Variants in RAB6A observed in about 807,000 individuals in gnomAD.
RAB6A encodes the protein ras-related protein Rab-6A.
RAB6A carries 8 observed loss-of-function variants against 32.3 expected under a neutral mutation model. The observed-to-expected ratio is 0.25, with a 90% CI of 0.15 to 0.45. The LOEUF (loss-of-function observed/expected upper bound fraction) is 0.45, where lower values mean the gene tolerates loss of function less well. Ranked by LOEUF, RAB6A falls within the 20% of genes least tolerant of loss-of-function variation. The pLI is 1.00. For missense variants in RAB6A, 104 were observed against 249.4 expected (o/e 0.42, Z 3.93); for synonymous variants, 73 against 82.1 (o/e 0.89, Z 0.60).
chr11:73,727,454 T>C (rs1322990959), intron 2 of RAB6A, among the ~76,000 whole-genome samples: 1 of 151,694 alleles, frequency 6.6e-6, no homozygotes, highest in African/African-American at 2.4e-5. Flanking sequence ...AACTTTTTTT[T>C]CCCCCAAAAA....
At chr11:73,729,221 C>A (rs1946269270) in intron 2 of RAB6A, among the ~76,000 whole-genome samples, 1 of 152,198 alleles carries the variant, frequency 6.6e-6, no homozygotes, top group South Asian at 2.1e-4. Context: ...GGCTCAGCCA[C>A]CCAAGTAGCT....
At chr11:73,709,981 C>T (rs1343039544) in intron 5 of RAB6A, among the ~76,000 whole-genome samples, 3 of 133,844 alleles carry the variant, frequency 2.2e-5, no homozygotes, top group African/African-American at 8.5e-5. Flanking sequence ...TTTTTTGAGA[C>T]GGAGTCTTGC....
At chr11:73,745,974 T>C (rs1291871638) in intron 1 of RAB6A, among the ~76,000 whole-genome samples, 1 of 151,184 alleles carries the variant, frequency 6.6e-6, no homozygotes, top group Non-Finnish European at 1.5e-5. Flanking sequence ...CACTCCAGCC[T>C]GGGCAAGAGT....
chr11:73,693,324 G>T (rs1046419612), intron 6 of RAB6A, among the ~76,000 whole-genome samples: 1 of 147,766 alleles, frequency 6.8e-6, no homozygotes, highest in Non-Finnish European at 1.5e-5. Flanking sequence ...ATAAATAAAG[G>T]ATTTAAGGAT....
chr11:73,679,939 A>AC (rs1555053228), intron 6 of RAB6A, among the ~76,000 whole-genome samples: 1 of 151,992 alleles, frequency 6.6e-6, no homozygotes, highest in Non-Finnish European at 1.5e-5. Context: ...TACAAAAAAA[A>AC]ACACAAAAAT....
intron 5 of RAB6A, among the ~76,000 whole-genome samples, chr11:73,709,844 T>C (rs12793709): frequency 2.0e-4 from 6 of 29,912 alleles, no homozygotes; most frequent in East Asian, 2.8e-3. Flanking sequence ...TATATACACA[T>C]ATATATACAT....
chr11:73,691,830 G>C (rs1325032282), intron 6 of RAB6A, among the ~76,000 whole-genome samples: 1 of 152,122 alleles, frequency 6.6e-6, no homozygotes, highest in Non-Finnish European at 1.5e-5. Context: ...AAAATTAGCT[G>C]GGCATGGTGG....
At chr11:73,710,413 C>A (rs967784829) in intron 5 of RAB6A, among the ~76,000 whole-genome samples, 17 of 151,832 alleles carry the variant, frequency 1.1e-4, no homozygotes, top group African/African-American at 3.9e-4. Context: ...ATAACAATAT[C>A]CAACATCATC....
At chr11:73,708,756 A>G (rs1419474573) in intron 5 of RAB6A, among the ~76,000 whole-genome samples, 3 of 152,210 alleles carry the variant, frequency 2.0e-5, no homozygotes, top group African/African-American at 7.2e-5. Flanking sequence ...AACACAGAAA[A>G]TGGGCAATGG....
At chr11:73,716,042 G>C (rs1313294981) in intron 5 of RAB6A, among the ~76,000 whole-genome samples, 2 of 152,090 alleles carry the variant, frequency 1.3e-5, no homozygotes, top group Non-Finnish European at 2.9e-5. Flanking sequence ...TTTACACATG[G>C]GCTTAAACAA....
chr11:73,678,368 A>C (rs1174982629), intron 7 of RAB6A, among the ~76,000 whole-genome samples: 1 of 152,136 alleles, frequency 6.6e-6, no homozygotes, highest in African/African-American at 2.4e-5. Flanking sequence ...TGTAATCCCA[A>C]CACTTTGGGA....
At chr11:73,737,658 C>G (rs897811653) in intron 1 of RAB6A, among the ~76,000 whole-genome samples, 1 of 152,012 alleles carries the variant, frequency 6.6e-6, no homozygotes, top group Non-Finnish European at 1.5e-5. Flanking sequence ...AACAAATGAA[C>G]CTTGAAAACA....
At chr11:73,694,481 T>C (rs1945626244) in intron 6 of RAB6A, among the ~76,000 whole-genome samples, 1 of 152,318 alleles carries the variant, frequency 6.6e-6, no homozygotes, top group South Asian at 2.1e-4. Flanking sequence ...AAGGGCTATG[T>C]GAAGAAACAG....
chr11:73,747,397 T>C lies in RAB6A; in HGVS notation c.70+13169A>G, dbSNP rs1946606629. 1.3e-5 allele frequency among the ~76,000 whole-genome samples: 2 copies of C among 151,434 alleles called. 1 individual carries two copies. Among genetic ancestry groups the C allele is most frequent in the South Asian group, 4.2e-4 (2 of 4,788 alleles). ...TTTGCATTTTTAGTAGAGACCATGTTGGCCAGGCTGGTCTCGAACTCCTGA... is the reference window on the plus strand; with the variant it reads ...TTTGCATTTTTAGTAGAGACCATGTCGGCCAGGCTGGTCTCGAACTCCTGA... On this transcript the variant is annotated intron_variant, in intron 1 of 7. Transcript: ENST00000336083.
intron 1 of RAB6A, among the ~76,000 whole-genome samples, chr11:73,757,304 T>C (rs1946777172): frequency 6.7e-6 from 1 of 150,318 alleles, no homozygotes; most frequent in Admixed American, 6.7e-5. Context: ...CCCGCCATCA[T>C]ACCTGGATAA....
intron 6 of RAB6A, 87 bp downstream of exon 6, chr11:73,707,333 G>A: frequency 1.1e-6 from 1 of 908,742 alleles, no homozygotes; most frequent in East Asian, 2.5e-5. Flanking sequence ...GCTCTTGCCA[G>A]GTGGAAGGAA....
At chr11:73,718,967 G>T in intron 3 of RAB6A, 1 of 1,322,574 alleles carries the variant, frequency 7.6e-7, no homozygotes, top group Non-Finnish European at 1.0e-6. Context: ...AATGTTTTTT[G>T]TAAAAGGGAG....
At chr11:73,740,587 T>A (rs57927812) in intron 1 of RAB6A, among the ~76,000 whole-genome samples, 19,936 of 146,098 alleles carry the variant, frequency 0.14, 1,370 homozygotes, top group South Asian at 0.29. Context: ...AAAGTTAATT[T>A]AAAAAAAAAA....
At chr11:73,717,456 G>A (rs1946068689) in intron 4 of RAB6A, among the ~76,000 whole-genome samples, 1 of 152,162 alleles carries the variant, frequency 6.6e-6, no homozygotes, top group African/African-American at 2.4e-5. Context: ...TGTTGTTGTT[G>A]TAGTTGAGAC....
Sources: gnomAD v4.1 joint callset for allele counts (sites outside exome capture counted in the v4.1 genomes callset) on GRCh38, gnomAD v4.1.1 for gene constraint, MANE v1.5 for transcripts, NCBI Gene and HGNC (gene_info 2026-07-23, HGNC 2026-07-21) for gene names.